NFE2L3: variants seen among roughly 807,000 people sequenced by gnomAD.
NFE2L3 encodes the protein NFE2 like bZIP transcription factor 3.
A neutral mutation model predicts 23.5 loss-of-function variants in NFE2L3; 18 were observed. The observed-to-expected ratio is 0.77, with a 90% CI of 0.53 to 1.13. The LOEUF is 1.13. NFE2L3 is among the 50% of genes most tolerant of loss of function. The pLI is 0.00. For missense variants in NFE2L3, 1,152 were observed against 877.2 expected (o/e 1.31, Z -3.96); for synonymous variants, 424 against 354.5 (o/e 1.20, Z -2.20).
At chr7:26,157,145 G>T (rs903178355) in intron 1 of NFE2L3, among the ~76,000 whole-genome samples, 1 of 151,996 alleles carries the variant, frequency 6.6e-6, no homozygotes, top group African/African-American at 2.4e-5. Flanking sequence ...CTGTTGGGCT[G>T]GTTTCTTCAG....
In NFE2L3 at chr7:26,184,855, T is replaced by TAAATA; in HGVS notation, c.1158_1162dup (p.Ile388LysfsTer7). On this transcript the variant is annotated frameshift_variant, in exon 4 of 4. Coordinates refer to ENST00000056233, the MANE Select transcript of NFE2L3 (RefSeq NM_004289.7). LOFTEE classifies it low-confidence loss of function (END_TRUNC). ...CAAGACCTACTGTATGACCTTGACA[T>TAAATA]AAATATATTTGATGAGATAAACTTA... is the stretch of plus-strand genomic sequence containing the variant. 6.2e-7 allele frequency: 1 copy of TAAATA among 1,613,952 alleles called. No homozygotes were observed. Among genetic ancestry groups the TAAATA allele is most frequent in the Non-Finnish European group, 8.5e-7 (1 of 1,179,852 alleles).
In NFE2L3 at chr7:26,185,259, C is replaced by T; in HGVS notation, c.1561C>T (p.Gln521Ter). 2 of 1,614,074 alleles carry T rather than the reference C, an allele frequency of 1.2e-6. No individual in the cohort carries two copies. Among genetic ancestry groups the T allele is most frequent in the African/African-American group, 1.3e-5 (1 of 75,048 alleles). Residue 521 changes from glutamine to a stop codon, truncating the protein, a stop_gained, in exon 4 of 4, where the codon CAG becomes TAG. Transcript: ENST00000056233. LOFTEE classifies it low-confidence loss of function (END_TRUNC). ...SEPFPWPGKS[Q>*]KIRSRYLEDT... ...ACCTTTTCCGTGGCCTGGGAAGTCA[C>T]AGAAGATAAGGAGTAGATACCTTGA...
At chr7:26,182,615 A>C (rs952184556) in intron 2 of NFE2L3, among the ~76,000 whole-genome samples, 2 of 146,818 alleles carry the variant, frequency 1.4e-5, no homozygotes, top group East Asian at 1.9e-4. Flanking sequence ...GCGACAGGAC[A>C]AGACTGTCTC....
intron 1 of NFE2L3, among the ~76,000 whole-genome samples, chr7:26,164,187 A>G (rs2085657607): frequency 6.6e-6 from 1 of 152,218 alleles, no homozygotes. Context: ...TGGGATGGCT[A>G]GGTCAAATGG....
intron 1 of NFE2L3, among the ~76,000 whole-genome samples, chr7:26,171,302 T>G (rs1400812877): frequency 1.3e-5 from 2 of 152,084 alleles, no homozygotes; most frequent in African/African-American, 4.8e-5. Flanking sequence ...TCCCAGTACT[T>G]TGGGAGGCTG....
chr7:26,184,356 T>C, intron 3 of NFE2L3, 177 bp from the exon 4 acceptor site: 1 of 572,808 alleles, frequency 1.7e-6, no homozygotes, highest in South Asian at 2.4e-5. Flanking sequence ...TATTCTGATT[T>C]GGACTCACAT....
chr7:26,154,419 C>T (rs1018629274), intron 1 of NFE2L3, among the ~76,000 whole-genome samples: 1 of 152,204 alleles, frequency 6.6e-6, no homozygotes, highest in Non-Finnish European at 1.5e-5. Context: ...ACTCTGCCAC[C>T]CACACCCGAA....
chr7:26,169,668 A>G, intron 1 of NFE2L3, among the ~76,000 whole-genome samples: 1 of 152,218 alleles, frequency 6.6e-6, no homozygotes, highest in Non-Finnish European at 1.5e-5. Flanking sequence ...TATTTGCTTC[A>G]CAATAGGCTC....
chr7:26,175,036 T>C (rs1784377942), intron 1 of NFE2L3: 1 of 152,302 alleles, frequency 6.6e-6, no homozygotes, highest in South Asian at 2.1e-4. Flanking sequence ...GTTTTACATT[T>C]ATCATTTTCC....
In NFE2L3 at chr7:26,186,733, G is replaced by C. The variant is rs551890954; in HGVS notation, c.*950G>C. On this transcript the variant is annotated 3_prime_UTR_variant, in exon 4 of 4. Transcript: ENST00000056233. Reference sequence around the variant, plus strand: ...CATATAAACAGTAGGGAAAGAGTCAGCAACAGTGAAACCATCTGTTTAAAA... The same window carrying C: ...CATATAAACAGTAGGGAAAGAGTCACCAACAGTGAAACCATCTGTTTAAAA... 2.6e-5 allele frequency: 4 copies of C among 151,770 alleles called. No individual in the cohort carries two copies. Among genetic ancestry groups the C allele is most frequent in the South Asian group, 2.1e-4 (1 of 4,794 alleles). 9.4% of individuals were successfully genotyped at this position (151,770 alleles called of 1,614,324 possible). A position where few individuals can be genotyped will look rare whatever the true frequency, so the allele number is the denominator to read the frequency against.
intron 1 of NFE2L3, among the ~76,000 whole-genome samples, chr7:26,158,293 T>C (rs1461371720): frequency 6.6e-6 from 1 of 152,142 alleles, no homozygotes; most frequent in Non-Finnish European, 1.5e-5. Flanking sequence ...AAGGACATCA[T>C]TGGATAAGGG....
chr7:26,176,040 AGATTAGG>A (rs998799255), intron 1 of NFE2L3, among the ~76,000 whole-genome samples: 2 of 151,398 alleles, frequency 1.3e-5, no homozygotes, highest in African/African-American at 4.9e-5. Context: ...TGGGTACTTG[AGATTAGG>A]GAGTGGTGAT....
At chr7:26,163,581 A>G (rs1784203585) in intron 1 of NFE2L3, among the ~76,000 whole-genome samples, 1 of 152,178 alleles carries the variant, frequency 6.6e-6, no homozygotes, top group Non-Finnish European at 1.5e-5. Context: ...TCCTGACCTC[A>G]GGTGATCCGC....
rs1291052712 is a variant in NFE2L3, at chr7:26,186,090, T to A, written c.*307T>A. The A allele has an allele frequency of 1.3e-5, 3 of 224,314 alleles. No homozygotes were observed. The highest frequency in any genetic ancestry group is 6.8e-5 in the African/African-American group (3 of 44,014). 13.9% of individuals were successfully genotyped at this position (224,314 alleles called of 1,614,324 possible). Reference sequence around the variant, plus strand: ...TTTCCATCTTGGCAGCCATCCTTTTTAAGAGTAAGTTGGTTACTTCAAAAA... The same window carrying A: ...TTTCCATCTTGGCAGCCATCCTTTTAAAGAGTAAGTTGGTTACTTCAAAAA... On this transcript the variant is annotated 3_prime_UTR_variant, in exon 4 of 4. Coordinates refer to ENST00000056233, the MANE Select transcript of NFE2L3 (RefSeq NM_004289.7).
intron 2 of NFE2L3, among the ~76,000 whole-genome samples, chr7:26,181,647 T>TAAAAATG (rs1398800228): frequency 6.6e-6 from 1 of 152,088 alleles, no homozygotes; most frequent in Non-Finnish European, 1.5e-5. Flanking sequence ...TTTTAAGAAT[T>TAAAAATG]AAAAATGACA....
At position 26,185,355 on chromosome 7, in the gene NFE2L3, G is replaced by C; in HGVS notation, c.1657G>C (p.Glu553Gln). ...TTTGCATATCCCTTTTTCTGTAGAT[G>C]AAATTGTCGGCATGCCTGTTGATTC... is the stretch of plus-strand genomic sequence containing the variant. ...KALHIPFSVDEIVGMPVDSFN... is the reference protein window; with the variant it reads ...KALHIPFSVDQIVGMPVDSFN... The change falls in exon 4 of 4, where the codon GAA becomes CAA. Residue 553 changes from glutamate (E) to glutamine (Q), a missense_variant. By Grantham distance (29) the Glu-to-Gln change is conservative (BLOSUM62 2). Coordinates refer to ENST00000056233, the MANE Select transcript of NFE2L3 (RefSeq NM_004289.7). 6.2e-7 allele frequency: 1 copy of C among 1,614,124 alleles called. No individual in the cohort carries two copies. The highest frequency in any genetic ancestry group is 1.1e-5 in the South Asian group (1 of 91,080).
Position 26,153,045 on chromosome 7 carries a change from G to T in NFE2L3, c.547G>T (p.Asp183Tyr). The change falls in exon 1 of 4, where the codon GAC becomes TAC. Residue 183 changes from aspartate (D) to tyrosine (Y), a missense_variant. By Grantham distance (160) the Asp-to-Tyr change is radical (BLOSUM62 -3). Transcript: ENST00000056233. ...CGCGGAACCGACGGCTCAGGTGCCG[G>T]ACGCTGGCGGATGTGCGAGCGAGGT... Reference protein sequence around the residue: ...APAEPTAQVPDAGGCASEENG... With the variant: ...APAEPTAQVPYAGGCASEENG... The T allele has an allele frequency of 1.3e-5, 20 of 1,527,290 alleles. No homozygotes were observed. Among genetic ancestry groups the T allele is most frequent in the Non-Finnish European group, 1.7e-5 (19 of 1,140,928 alleles). The allele number at this position is 1,527,290 out of a possible 1,614,324, so 94.6% of individuals were successfully genotyped here. A position where few individuals can be genotyped will look rare whatever the true frequency, so the allele number is the denominator to read the frequency against.
intron 1 of NFE2L3, among the ~76,000 whole-genome samples, chr7:26,157,067 G>A (rs1045648732): frequency 3.3e-5 from 5 of 151,726 alleles, no homozygotes; most frequent in East Asian, 1.9e-4. Flanking sequence ...AGCCGAGATC[G>A]CTCTACTGCA....
chr7:26,177,933 A>G lies in NFE2L3; in HGVS notation c.571-10A>G, dbSNP rs1784443748. On this transcript the variant is annotated splice_polypyrimidine_tract_variant and intron_variant, in intron 1 of 3. Coordinates refer to ENST00000056233, the MANE Select transcript of NFE2L3 (RefSeq NM_004289.7). ...GTTTGCTTATTTGATGAAATTTCGT[A>G]CTTTTATAGGAGAATGGGGTACTAA... is the stretch of plus-strand genomic sequence containing the variant. 3 of 1,603,072 alleles carry G rather than the reference A, an allele frequency of 1.9e-6. No individual in the cohort carries two copies. The highest frequency in any genetic ancestry group is 1.1e-5 in the South Asian group (1 of 89,058).
Sources: allele counts gnomAD v4.1 joint callset (sites outside exome capture counted in the v4.1 genomes callset), GRCh38; gene constraint gnomAD v4.1.1; transcripts MANE v1.5; gene names NCBI Gene and HGNC (gene_info 2026-07-23, HGNC 2026-07-21).